Variants in SLCO4A1 observed in about 807,000 individuals in gnomAD.
SLCO4A1 encodes solute carrier organic anion transporter family member 4A1.
A neutral mutation model predicts 64.6 loss-of-function variants in SLCO4A1; 51 were observed. The ratio of observed to expected loss-of-function variants is 0.79; its 90% CI spans 0.63 to 1.00. The LOEUF (loss-of-function observed/expected upper bound fraction) is 1.00, where lower values mean the gene tolerates loss of function less well. SLCO4A1 is among the 50% of genes least tolerant of loss of function. The pLI is 0.00. For synonymous variants in SLCO4A1, 471 were observed against 444.9 expected (o/e 1.06, Z -0.74); for missense variants, 919 against 980.5 (o/e 0.94, Z 0.84).
At position 62,681,352 on chromosome 20, in the gene SLCO4A1, C is replaced by T. The variant is rs556258606; in HGVS notation, n.212-4089C>T. ...CAGCCCATCAACCTTATTCTGATTC[C>T]GTGGTTCTGCTTATACTCACTCGTG... On this transcript the variant is annotated intron_variant and non_coding_transcript_variant, in intron 2 of 2. Coordinates refer to the SLCO4A1 transcript ENST00000466818. 1.1e-3 allele frequency among the ~76,000 whole-genome samples: 166 copies of T among 152,320 alleles called. 1 individual carries two copies. Among genetic ancestry groups the T allele is most frequent in the Middle Eastern group, 0.01 (3 of 294 alleles).
In SLCO4A1 at chr20:62,645,141, G is replaced by A. The variant is rs2147053699; in HGVS notation, c.-97+2588G>A. ...CCAGTGAGCTTGCTGAGTGTCAGCT[G>A]ACTTCAGGCAGGATCTGGGTCTTGC... On this transcript the variant is annotated intron_variant, in intron 1 of 11. Transcript: ENST00000217159. The surrounding 1 kb of genome is among the most constrained non-coding windows in gnomAD (Gnocchi z 4.2). 6.6e-6 allele frequency among the ~76,000 whole-genome samples: 1 copy of A among 152,374 alleles called. No individual in the cohort carries two copies.
chr20:62,652,863 C>T (rs117185557), intron 1 of SLCO4A1, among the ~76,000 whole-genome samples: 4,069 of 152,318 alleles, frequency 0.027, 89 homozygotes, highest in Non-Finnish European at 0.041. Context: ...AGGTCAACAG[C>T]GGCTGCACGT....
In SLCO4A1 at chr20:62,664,959, C is replaced by T. The variant is rs1057360352; in HGVS notation, c.1147C>T (p.Pro383Ser). The change falls in exon 6 of 12, where the codon CCC becomes TCC. Residue 383 changes from proline to serine, a missense_variant. Transcript: ENST00000217159. ...CTCCATCTGGCTCCTGCTGAAGAAC[C>T]CCACGTTCATCCTGCTCTGCCTGGC... is the stretch of plus-strand genomic sequence containing the variant. ...PLSIWLLLKN[P>S]TFILLCLAGA... is the part of the protein sequence containing the mutation. 1.2e-6 allele frequency: 2 copies of T among 1,612,056 alleles called. No homozygotes were observed. The highest frequency in any genetic ancestry group is 1.7e-6 in the Non-Finnish European group (2 of 1,179,072).
At chr20:62,672,390 T>C (rs3787537), downstream of SLCO4A1, 487,882 of 640,746 alleles carry the variant, frequency 0.76, 187,331 homozygotes, top group African/African-American at 0.85. Flanking sequence ...GTGGAATCCG[T>C]GGATATGAAA....
chr20:62,654,589 G>C (rs1983297848), intron 1 of SLCO4A1, among the ~76,000 whole-genome samples: 1 of 152,252 alleles, frequency 6.6e-6, no homozygotes, highest in African/African-American at 2.4e-5. Flanking sequence ...GGACTCTGCA[G>C]AGCCCTGAGC....
At chr20:62,681,200 T>C (rs534218865) in intron 2 of SLCO4A1, among the ~76,000 whole-genome samples, 1 of 152,318 alleles carries the variant, frequency 6.6e-6, no homozygotes, top group Admixed American at 6.5e-5. Context: ...TTTCTTTAAG[T>C]TGAAATAATG....
chr20:62,651,858 C>T (rs1982562883), intron 1 of SLCO4A1: 1 of 152,274 alleles, frequency 6.6e-6, no homozygotes, highest in African/African-American at 2.4e-5. Context: ...GAACAAACTG[C>T]CTGTATGAGG....
rs967621425 is a variant in SLCO4A1 at position 62,661,390 on chromosome 20, C to T, written c.1121+215C>T. 1.3e-5 allele frequency among the ~76,000 whole-genome samples: 2 copies of T among 152,100 alleles called. No homozygotes were observed. Among genetic ancestry groups the T allele is most frequent in the African/African-American group, 4.8e-5 (2 of 41,408 alleles). ...AGGGCTGCAGAGCCGTGGGAGAGTCCCAGAGTGGGGCCGGGGCCTCGGCCC... is the reference window on the plus strand; with the variant it reads ...AGGGCTGCAGAGCCGTGGGAGAGTCTCAGAGTGGGGCCGGGGCCTCGGCCC... On this transcript the variant is annotated intron_variant, in intron 5 of 11. Coordinates refer to ENST00000217159, the MANE Select transcript of SLCO4A1 (RefSeq NM_016354.4). This position sits in a 1 kb window ranked among gnomAD's most constrained non-coding sequence, Gnocchi z 5.2.
Position 62,661,984 on chromosome 20 carries a change from C to A in SLCO4A1, c.1121+809C>A, listed in dbSNP as rs1465594479. On this transcript the variant is annotated intron_variant, in intron 5 of 11. Coordinates refer to ENST00000217159, the MANE Select transcript of SLCO4A1 (RefSeq NM_016354.4). The surrounding 1 kb of genome is among the most constrained non-coding windows in gnomAD (Gnocchi z 5.2). Reference sequence around the variant, plus strand: ...TGGCCACCACCCAAGTCCTCAGCGTCTGAGGCCCCAGCACGGGGAGACTCT... The same window carrying A: ...TGGCCACCACCCAAGTCCTCAGCGTATGAGGCCCCAGCACGGGGAGACTCT... 1.3e-5 allele frequency among the ~76,000 whole-genome samples: 2 copies of A among 152,126 alleles called. No individual in the cohort carries two copies. Among genetic ancestry groups the A allele is most frequent in the Non-Finnish European group, 2.9e-5 (2 of 67,998 alleles).
intron 5 of SLCO4A1, among the ~76,000 whole-genome samples, chr20:62,664,103 G>T (rs1291829935): frequency 2.0e-5 from 3 of 152,028 alleles, no homozygotes; most frequent in Non-Finnish European, 2.9e-5. Flanking sequence ...CTTCCAGGGG[G>T]CTATGTCCTT....
rs772305383 is a variant in SLCO4A1 at position 62,656,703 on chromosome 20, C to G, written c.249C>G (p.Ser83Arg). Residue 83 changes from serine to arginine, a missense_variant, in exon 2 of 12, where the codon AGC (serine) becomes AGG (arginine). Transcript: ENST00000217159. ...HEVRYVSAGQ[S>R]VACGWWAFAP... ...TGCGGTACGTCTCGGCCGGGCAGAG[C>G]GTGGCGTGCGGCTGGTGGGCCTTCG... 1.2e-6 allele frequency: 2 copies of G among 1,610,046 alleles called. No individual in the cohort carries two copies. The highest frequency in any genetic ancestry group is 1.3e-5 in the African/African-American group (1 of 74,864).
At chr20:62,646,528 G>C (rs1242781299) in intron 1 of SLCO4A1, among the ~76,000 whole-genome samples, 3 of 152,258 alleles carry the variant, frequency 2.0e-5, no homozygotes, top group Non-Finnish European at 2.9e-5. Flanking sequence ...AGCATGGGCA[G>C]GGCAAGCCAC....
chr20:62,643,120 G>C lies in SLCO4A1; in HGVS notation c.-97+567G>C, dbSNP rs926588924. ...CCAGAGGCGCTCGAGACATCTCCGG[G>C]AGGGGAGCGCGGGCGGAGCGCACAG... On this transcript the variant is annotated intron_variant, in intron 1 of 11. Coordinates refer to ENST00000217159, the MANE Select transcript of SLCO4A1 (RefSeq NM_016354.4). 1.4e-5 allele frequency: 6 copies of C among 436,560 alleles called. No homozygotes were observed. The Admixed American group carries it at 1.6e-4, about 12-fold the overall frequency. The allele number at this position is 436,560 out of a possible 1,614,324, so 27.0% of individuals were successfully genotyped here.
At chr20:62,654,179 G>A (rs1303608759) in intron 1 of SLCO4A1, among the ~76,000 whole-genome samples, 2 of 152,142 alleles carry the variant, frequency 1.3e-5, no homozygotes, top group Non-Finnish European at 2.9e-5. Context: ...TCCTGAGAGC[G>A]CCACGCCCGT....
At chr20:62,666,061 C>G (rs1032889393) in intron 6 of SLCO4A1, 1 of 215,696 alleles carries the variant, frequency 4.6e-6, no homozygotes, top group African/African-American at 2.3e-5. Context: ...GGGCAGGGGC[C>G]GCTGACCTTG....
downstream of SLCO4A1, among the ~76,000 whole-genome samples, chr20:62,689,491 T>A (rs917236339): frequency 1.3e-5 from 2 of 152,190 alleles, no homozygotes; most frequent in African/African-American, 4.8e-5. Flanking sequence ...CCTCCTCAGG[T>A]GCTGGCCCAT....
chr20:62,647,685 G>A (rs1478863390), intron 1 of SLCO4A1, among the ~76,000 whole-genome samples: 1 of 152,272 alleles, frequency 6.6e-6, no homozygotes, highest in African/African-American at 2.4e-5. Context: ...AGGCTGGGAA[G>A]TAAGTGCATG....
intron 1 of SLCO4A1, among the ~76,000 whole-genome samples, chr20:62,652,477 C>T (rs1279731506): frequency 6.6e-6 from 1 of 152,136 alleles, no homozygotes; most frequent in African/African-American, 2.4e-5. Flanking sequence ...TCTTGCTCCT[C>T]CGGCTTTTCC....
rs775077289 is a variant in SLCO4A1, at chr20:62,664,989, G to A, written c.1177G>A (p.Ala393Thr). ...PTFILLCLAG[A>T]TEATLITGMS... Reference sequence around the variant, plus strand: ...GTTCATCCTGCTCTGCCTGGCCGGGGCCACCGAGGCCACTCTCATCACCGG... The same window carrying A: ...GTTCATCCTGCTCTGCCTGGCCGGGACCACCGAGGCCACTCTCATCACCGG... Residue 393 changes from alanine (A) to threonine (T), a missense_variant, in exon 6 of 12, where the codon GCC (alanine) becomes ACC (threonine). Physicochemically the swap from Ala to Thr is moderately conservative, Grantham distance 58. Coordinates refer to ENST00000217159, the MANE Select transcript of SLCO4A1 (RefSeq NM_016354.4). The A allele has an allele frequency of 2.5e-6, 4 of 1,613,722 alleles. No homozygotes were observed. Among genetic ancestry groups the A allele is most frequent in the Non-Finnish European group, 3.4e-6 (4 of 1,179,880 alleles).
Sources: allele counts gnomAD v4.1 joint callset (sites outside exome capture counted in the v4.1 genomes callset), GRCh38; gene constraint gnomAD v4.1.1; non-coding constraint Gnocchi (gnomAD v3.1); transcripts MANE v1.5; gene names NCBI Gene and HGNC (gene_info 2026-07-23, HGNC 2026-07-21).